The following PLCB4 variants were observed in gnomAD, a reference collection of about 807,000 sequenced individuals.
The protein encoded by PLCB4 is 1-phosphatidylinositol 4,5-bisphosphate phosphodiesterase beta-4.
A neutral mutation model predicts 178.8 loss-of-function variants in PLCB4; 77 were observed. That is an observed-to-expected ratio of 0.43 (90% confidence interval 0.36 to 0.52). The LOEUF (loss-of-function observed/expected upper bound fraction) is 0.52, where lower values mean the gene tolerates loss of function less well. Among genes scored for constraint, PLCB4 ranks in the 20% least tolerant of loss-of-function variants. PLCB4 has a pLI of 0.00. For missense variants in PLCB4, 1,024 were observed against 1,453.4 expected, an observed-to-expected ratio of 0.70 and a Z score of 4.80; for synonymous variants, 496 against 490.8, an observed-to-expected ratio of 1.01 and a Z score of -0.14.
intron 3 of PLCB4, among the ~76,000 whole-genome samples, chr20:9,243,026 A>G (rs1487306747): frequency 6.6e-6 from 1 of 152,214 alleles, no homozygotes; most frequent in Non-Finnish European, 1.5e-5. Context: ...TCAGATCATC[A>G]ACAAGTAAAT....
intron 7 of PLCB4, among the ~76,000 whole-genome samples, chr20:9,360,067 A>G (rs2035189210): frequency 6.6e-6 from 1 of 152,198 alleles, no homozygotes; most frequent in South Asian, 2.1e-4. Flanking sequence ...TTGGGTGAAA[A>G]TAAAAATCCC....
At chr20:9,373,751 G>GT (rs11481067) in intron 12 of PLCB4, among the ~76,000 whole-genome samples, 5,596 of 152,172 alleles carry the variant, frequency 0.037, 340 homozygotes, top group African/African-American at 0.13. Context: ...CTGATAGATA[G>GT]AATTGCTTAA....
chr20:9,440,156 T>A (rs2042023990), intron 30 of PLCB4, among the ~76,000 whole-genome samples: 1 of 152,212 alleles, frequency 6.6e-6, no homozygotes, highest in Non-Finnish European at 1.5e-5. Context: ...CCTTGACTTA[T>A]GACAGAGTTA....
intron 9 of PLCB4, among the ~76,000 whole-genome samples, chr20:9,366,117 TGGTG>T: frequency 6.6e-6 from 1 of 152,058 alleles, no homozygotes; most frequent in South Asian, 2.1e-4. Context: ...AGGCAGGGCA[TGGTG>T]GCTCATACCT....
At chr20:9,190,276 C>T (rs79486192) in intron 2 of PLCB4, among the ~76,000 whole-genome samples, 14 of 152,174 alleles carry the variant, frequency 9.2e-5, no homozygotes, top group African/African-American at 2.6e-4. Flanking sequence ...GTAATCCCCA[C>T]GTGTCAAGGG....
intron 34 of PLCB4, 138 bp from the exon 35 acceptor site, chr20:9,459,497 T>C (rs113205335): frequency 8.0e-5 from 41 of 512,934 alleles, no homozygotes; most frequent in African/African-American, 6.8e-4. Flanking sequence ...CATATTATTT[T>C]TTGGTGGTTA....
rs544325050 is a variant in PLCB4 at position 9,262,091 on chromosome 20, T to C, written c.-16+44639T>C. ...GTGATCATTCTGGAAAGTGGGAATT[T>C]GGAATTGTGTCTTCTATCGTCAGTT... On this transcript the variant is annotated intron_variant, in intron 3 of 39. Transcript: ENST00000378473. Among the ~76,000 whole-genome samples the C allele has an allele frequency of 5.3e-5, 8 of 152,242 alleles. No homozygotes were observed. In the South Asian group the frequency reaches 1.2e-3, roughly 24 times the overall value.
At chr20:9,090,664 C>T (rs2090640861) in intron 1 of PLCB4, among the ~76,000 whole-genome samples, 1 of 152,080 alleles carries the variant, frequency 6.6e-6, no homozygotes, top group African/African-American at 2.4e-5. Context: ...ACTCCAGTAA[C>T]TTTTGCATCT....
At chr20:9,162,652 T>C (rs536191332) in intron 2 of PLCB4, among the ~76,000 whole-genome samples, 2 of 152,246 alleles carry the variant, frequency 1.3e-5, no homozygotes, top group African/African-American at 4.8e-5. Flanking sequence ...TTTCCTAGAA[T>C]GTACAACATC....
intron 1 of PLCB4, among the ~76,000 whole-genome samples, chr20:9,078,732 C>T (rs1198290695): frequency 2.0e-5 from 3 of 152,256 alleles, no homozygotes; most frequent in African/African-American, 7.2e-5. Flanking sequence ...CTGATTGATT[C>T]CTAACTGTGT....
Position 9,433,469 on chromosome 20 carries a change from A to G in PLCB4, c.2525-2091A>G, listed in dbSNP as rs150877513. On this transcript the variant is annotated intron_variant, in intron 28 of 39. Coordinates refer to ENST00000378473, the MANE Select transcript of PLCB4 (RefSeq NM_001377142.1). ...CAATTTTGTTGGATATAGCATTGGG[A>G]TGGTTGGCTCCAAATTAAATTTAGA... Among the ~76,000 whole-genome samples the G allele has an allele frequency of 5.5e-3, 830 of 152,282 alleles. 3 individuals are homozygous for G. Among genetic ancestry groups the G allele is most frequent in the Non-Finnish European group, 9.7e-3 (657 of 68,018 alleles).
intron 2 of PLCB4, among the ~76,000 whole-genome samples, chr20:9,211,688 C>T (rs2093674556): frequency 1.3e-5 from 2 of 152,030 alleles, no homozygotes; most frequent in Non-Finnish European, 2.9e-5. Context: ...GGTAACATTA[C>T]TATTATAAGT....
intron 4 of PLCB4, among the ~76,000 whole-genome samples, chr20:9,336,689 A>T (rs191643104): frequency 6.6e-6 from 1 of 152,196 alleles, no homozygotes; most frequent in East Asian, 1.9e-4. Flanking sequence ...TAGATAAAAA[A>T]GCAAAAATCT....
intron 3 of PLCB4, among the ~76,000 whole-genome samples, chr20:9,294,520 A>G (rs1232988793): frequency 6.6e-6 from 1 of 152,154 alleles, no homozygotes; most frequent in Non-Finnish European, 1.5e-5. Context: ...TTCCTGAGAA[A>G]AGCGTGCATT....
intron 1 of PLCB4, among the ~76,000 whole-genome samples, chr20:9,081,971 A>T (rs2090171223): frequency 1.3e-5 from 2 of 151,320 alleles, no homozygotes; most frequent in African/African-American, 4.9e-5. Flanking sequence ...TACTAGATCC[A>T]GAGGAGACAT....
intron 6 of PLCB4, among the ~76,000 whole-genome samples, chr20:9,338,501 G>A (rs1395280761): frequency 2.6e-5 from 4 of 152,170 alleles, no homozygotes; most frequent in East Asian, 3.9e-4. Flanking sequence ...GCAACATAGT[G>A]CAACCCTGTC....
intron 4 of PLCB4, among the ~76,000 whole-genome samples, chr20:9,314,152 T>C (rs546814695): frequency 1.3e-5 from 2 of 152,174 alleles, no homozygotes; most frequent in Non-Finnish European, 2.9e-5. Flanking sequence ...AGTACAGGGG[T>C]GAAGGCACAG....
intron 2 of PLCB4, chr20:9,166,272 A>G (rs1027348106): frequency 6.6e-6 from 1 of 152,172 alleles, no homozygotes; most frequent in Admixed American, 6.5e-5. Context: ...TATTATAAAC[A>G]AACACCCAAC....
chr20:9,173,383 C>T (rs1432933365), intron 2 of PLCB4, among the ~76,000 whole-genome samples: 3 of 152,172 alleles, frequency 2.0e-5, no homozygotes, highest in East Asian at 3.9e-4. Flanking sequence ...TTGTGTTCTT[C>T]CTTTAGAGGA....
Sources: gnomAD v4.1 joint callset for allele counts (sites outside exome capture counted in the v4.1 genomes callset) on GRCh38, gnomAD v4.1.1 for gene constraint, MANE v1.5 for transcripts, NCBI Gene and HGNC (gene_info 2026-07-23, HGNC 2026-07-21) for gene names.